S100PBP: variants seen among roughly 807,000 people sequenced by gnomAD.
The protein encoded by S100PBP is S100P-binding protein.
A neutral mutation model predicts 39.9 loss-of-function variants in S100PBP; 15 were observed. That is an observed-to-expected ratio of 0.38 (90% CI 0.25 to 0.58). The LOEUF is 0.58. Ranked by LOEUF, S100PBP falls within the 20% of genes least tolerant of loss-of-function variation. S100PBP has a pLI of 0.70. For missense variants in S100PBP, 504 were observed against 487.3 expected, an observed-to-expected ratio of 1.03 and a Z score of -0.32; for synonymous variants, 178 against 180.3, an observed-to-expected ratio of 0.99 and a Z score of 0.10.
intron 5 of S100PBP, among the ~76,000 whole-genome samples, chr1:32,844,433 G>A (rs1052438078): frequency 3.9e-5 from 6 of 152,116 alleles, no homozygotes; most frequent in African/African-American, 1.2e-4. Flanking sequence ...GGCCAATGTG[G>A]GAGGATCACT....
intron 5 of S100PBP, among the ~76,000 whole-genome samples, chr1:32,842,221 G>GTATATATATATA (rs373787383): frequency 7.6e-5 from 7 of 91,756 alleles, no homozygotes; most frequent in African/African-American, 1.3e-4. Flanking sequence ...ATATATATAT[G>GTATATATATATA]TATATATATA....
intron 1 of S100PBP, among the ~76,000 whole-genome samples, chr1:32,821,791 T>C (rs976444507): frequency 1.4e-4 from 22 of 152,100 alleles, no homozygotes; most frequent in African/African-American, 5.3e-4. Context: ...CGCGTCACCA[T>C]GCCCAGCTAA....
intron 1 of S100PBP, among the ~76,000 whole-genome samples, chr1:32,818,372 G>T (rs969001444): frequency 2.0e-5 from 3 of 152,250 alleles, no homozygotes; most frequent in African/African-American, 7.2e-5. Context: ...CCTTTCTCCG[G>T]CTCCTCAAGG....
At chr1:32,817,975 C>T (rs1224481950) in intron 1 of S100PBP, 2 of 152,684 alleles carry the variant, frequency 1.3e-5, no homozygotes, top group Non-Finnish European at 2.9e-5. Flanking sequence ...CTGCAGTCCC[C>T]TGCCCAGTGG....
chr1:32,845,088 G>A (rs931838578), intron 5 of S100PBP, among the ~76,000 whole-genome samples: 3 of 151,556 alleles, frequency 2.0e-5, no homozygotes, highest in African/African-American at 7.3e-5. Flanking sequence ...GCAGTGGCGC[G>A]ATCTTGGCTC....
At chr1:32,834,258 A>G (rs1158185952) in intron 5 of S100PBP, among the ~76,000 whole-genome samples, 1 of 152,228 alleles carries the variant, frequency 6.6e-6, no homozygotes, top group Non-Finnish European at 1.5e-5. Context: ...CATGTAATAT[A>G]TATTCCATAT....
chr1:32,817,599 G>C (rs892887170), upstream of S100PBP: 1 of 419,400 alleles, frequency 2.4e-6, no homozygotes, highest in Non-Finnish European at 4.4e-6. Flanking sequence ...GCTGACTCGG[G>C]GTAGGGGAGG....
At chr1:32,847,853 C>T (rs1640446734) in intron 5 of S100PBP, 1 of 152,132 alleles carries the variant, frequency 6.6e-6, no homozygotes, top group South Asian at 2.1e-4. Flanking sequence ...CATTCCCTCC[C>T]TGGTATTAAG....
rs1043851308 is a variant in S100PBP at position 32,829,866 on chromosome 1, G to A, written c.921-98G>A. On this transcript the variant is annotated intron_variant, in intron 4 of 6. Transcript: ENST00000373475. Reference sequence around the variant, plus strand: ...AAGATAATTTTGCCTCTGAAACTTAGTTCTAATCAATCAGCAGTATATCAC... The same window carrying A: ...AAGATAATTTTGCCTCTGAAACTTAATTCTAATCAATCAGCAGTATATCAC... 4 of 803,324 alleles carry A rather than the reference G, an allele frequency of 5.0e-6. No individual in the cohort carries two copies. The African/African-American group carries it at 5.2e-5, about 10-fold the overall frequency. 49.8% of individuals were successfully genotyped at this position (803,324 alleles called of 1,614,324 possible).
chr1:32,846,115 G>C (rs1053456539), intron 5 of S100PBP, among the ~76,000 whole-genome samples: 1 of 151,302 alleles, frequency 6.6e-6, no homozygotes, highest in Non-Finnish European at 1.5e-5. Flanking sequence ...TCAGCCTCCT[G>C]AGTAGCTGGG....
intron 5 of S100PBP, among the ~76,000 whole-genome samples, chr1:32,838,689 A>G (rs1386560673): frequency 1.3e-5 from 2 of 152,086 alleles, no homozygotes; most frequent in African/African-American, 4.8e-5. Context: ...CTAAAAATAC[A>G]AAAATTAACC....
intron 5 of S100PBP, among the ~76,000 whole-genome samples, chr1:32,830,355 A>AT (rs3841608): frequency 2.0e-5 from 3 of 151,962 alleles, no homozygotes; most frequent in East Asian, 3.9e-4. Flanking sequence ...TTTGCTAGGG[A>AT]TTTTTTTGTC....
chr1:32,842,194 A>T (rs1212937408), intron 5 of S100PBP, among the ~76,000 whole-genome samples: 3 of 99,070 alleles, frequency 3.0e-5, no homozygotes, highest in African/African-American at 1.2e-4. Flanking sequence ...AAAAAAAAAA[A>T]AAAAAAAAAC....
intron 1 of S100PBP, among the ~76,000 whole-genome samples, chr1:32,821,926 A>G (rs1046498149): frequency 2.0e-5 from 3 of 152,220 alleles, no homozygotes; most frequent in Non-Finnish European, 4.4e-5. Context: ...GGCGTAAGCC[A>G]TCTCGCGTAT....
chr1:32,855,954 A>T lies in S100PBP; in HGVS notation c.1143A>T (p.Gln381His). 1 of 1,613,670 alleles carries T rather than the reference A, an allele frequency of 6.2e-7. No homozygotes were observed. The highest frequency in any genetic ancestry group is 8.5e-7 in the Non-Finnish European group (1 of 1,179,676). Residue 381 changes from glutamine to histidine, a missense_variant, in exon 7 of 7, where the codon CAA becomes CAT. Physicochemically the swap from Gln to His is conservative, Grantham distance 24. Coordinates refer to ENST00000373475, the MANE Select transcript of S100PBP (RefSeq NM_022753.4). ...ACGCCCGCCGACAGAAACATCTGCA[A>T]AGATACAGTCTGACTCAGTGGGTTG... ...RNYARRQKHL[Q>H]RYSLTQWVDR...
At position 32,826,448 on chromosome 1, in the gene S100PBP, C is replaced by T. The variant is rs765414740; in HGVS notation, c.349C>T (p.Pro117Ser). Reference sequence around the variant, plus strand: ...TGAGACTCCTGACCTCTTCAAACTACCTCAGCTAAGTACATCAAGTGGTCA... The same window carrying T: ...TGAGACTCCTGACCTCTTCAAACTATCTCAGCTAAGTACATCAAGTGGTCA... The part of the protein sequence containing the change: ...VAETPDLFKL[P>S]QLSTSSGHGP... The change falls in exon 3 of 7, where the codon CCT (proline) becomes TCT (serine). Residue 117 changes from proline (P) to serine (S), a missense_variant. Pro to Ser is a moderately conservative substitution (Grantham distance 74). Transcript: ENST00000373475. 3.1e-6 allele frequency: 5 copies of T among 1,614,102 alleles called. No homozygotes were observed. Among genetic ancestry groups the T allele is most frequent in the East Asian group, 4.5e-5 (2 of 44,886 alleles).
Position 32,830,078 on chromosome 1 carries a change from A to T in S100PBP, c.1024+11A>T, listed in dbSNP as rs1210254410. ...AGGACACTAACCAAGGTAACATGGT[A>T]CCCAGAGAAAGGCATATAAAACATG... On this transcript the variant is annotated intron_variant, in intron 5 of 6. Transcript: ENST00000373475. 1 of 1,522,876 alleles carries T rather than the reference A, an allele frequency of 6.6e-7. No homozygotes were observed. Among genetic ancestry groups the T allele is most frequent in the Non-Finnish European group, 9.1e-7 (1 of 1,097,834 alleles). The allele number at this position is 1,522,876 out of a possible 1,614,324, so 94.3% of individuals were successfully genotyped here.
intron 5 of S100PBP, among the ~76,000 whole-genome samples, chr1:32,831,413 T>G (rs2148655068): frequency 6.6e-6 from 1 of 152,028 alleles, no homozygotes; most frequent in South Asian, 2.1e-4. Context: ...TACTCTAAGA[T>G]CTATTGTAAA....
At chr1:32,817,344 C>G (rs1569797359), upstream of S100PBP, 1 of 1,486,942 alleles carries the variant, frequency 6.7e-7, no homozygotes, top group African/African-American at 1.4e-5. Flanking sequence ...CGAGTCCAGC[C>G]AGGTTGCATC....
Sources: allele counts gnomAD v4.1 joint callset (sites outside exome capture counted in the v4.1 genomes callset), GRCh38; gene constraint gnomAD v4.1.1; transcripts MANE v1.5; gene names NCBI Gene and HGNC (gene_info 2026-07-23, HGNC 2026-07-21).